GRIK5: variants seen among roughly 807,000 people sequenced by gnomAD.
The protein encoded by GRIK5 is glutamate receptor ionotropic, kainate 5.
Under a neutral mutation model 97.4 loss-of-function variants are expected in GRIK5, and 43 were observed. That is an observed-to-expected ratio of 0.44 (90% CI 0.35 to 0.57). The LOEUF (loss-of-function observed/expected upper bound fraction) is 0.57, where lower values mean the gene tolerates loss of function less well. GRIK5 is among the 20% of genes least tolerant of loss of function. GRIK5 has a pLI of 0.01. For missense variants in GRIK5, 1,015 were observed against 1,382.0 expected, an observed-to-expected ratio of 0.73 and a Z score of 4.21; for synonymous variants, 580 against 583.5, an observed-to-expected ratio of 0.99 and a Z score of 0.09.
chr19:42,053,665 G>A lies in GRIK5; in HGVS notation c.1206C>T (p.Thr402=), dbSNP rs544290998. 7.4e-6 allele frequency: 12 copies of A among 1,613,540 alleles called. 1 individual carries two copies. The Admixed American group carries it at 1.8e-4, about 25-fold the overall frequency. The change falls in exon 11 of 20, where the codon ACC becomes ACT. Residue 402 remains threonine (T), a synonymous_variant. Coordinates refer to ENST00000593562, the MANE Select transcript of GRIK5 (RefSeq NM_002088.5). The part of the protein sequence containing the change: ...YSNRTLAMNA[T]TLDINLSQTL... ...TCTGCGACAGGTTGATGTCCAGGGT[G>A]GTGGCATTCATGGCCAGGGTGCGGT...
rs555905845 is a variant in GRIK5, at chr19:42,020,530, G to C, written c.1871+771C>G. ...GGTAAAATGAGGCTGAAACCTACTG[G>C]GCTGCATTCCCAGACGTTTAAGGCA... On this transcript the variant is annotated intron_variant, in intron 15 of 19. Transcript: ENST00000593562. Among the ~76,000 whole-genome samples, 4 of 152,252 alleles carry C rather than the reference G, an allele frequency of 2.6e-5. No homozygotes were observed. The East Asian group carries it at 7.7e-4, about 29-fold the overall frequency.
chr19:42,021,931 T>TA lies in GRIK5; in HGVS notation c.1697+15dup, dbSNP rs1167211957. ...CCTCCTCCAGCCCCTTCCTTCCCAGTAGGCAGTGGACTCACCTGGCAGCCA... is the reference window on the plus strand; with the variant it reads ...CCTCCTCCAGCCCCTTCCTTCCCAGTAAGGCAGTGGACTCACCTGGCAGCCA... On this transcript the variant is annotated intron_variant, in intron 14 of 19. Coordinates refer to ENST00000593562, the MANE Select transcript of GRIK5 (RefSeq NM_002088.5). This position sits in a 1 kb window ranked among gnomAD's most constrained non-coding sequence, Gnocchi z 4.2. The TA allele has an allele frequency of 6.4e-7, 1 of 1,564,550 alleles. No individual in the cohort carries two copies. The highest frequency in any genetic ancestry group is 1.7e-5 in the Admixed American group (1 of 58,640).
At chr19:42,015,663 G>T (rs988416341) in intron 15 of GRIK5, among the ~76,000 whole-genome samples, 1 of 152,206 alleles carries the variant, frequency 6.6e-6, no homozygotes, top group Non-Finnish European at 1.5e-5. Flanking sequence ...CAAGTGCTAT[G>T]CAAGTGTTTT....
chr19:42,008,575 C>T (rs1247540429), intron 15 of GRIK5, among the ~76,000 whole-genome samples: 1 of 151,868 alleles, frequency 6.6e-6, no homozygotes, highest in Non-Finnish European at 1.5e-5. Flanking sequence ...CGCAGTGAAC[C>T]GAGATCACCA....
At chr19:42,027,321 G>A (rs558061322) in intron 12 of GRIK5, among the ~76,000 whole-genome samples, 2 of 152,290 alleles carry the variant, frequency 1.3e-5, no homozygotes, top group Admixed American at 1.3e-4. Flanking sequence ...GCAACATGAA[G>A]GAAGTACAGA....
chr19:42,059,531 A>AG lies in GRIK5; in HGVS notation c.509-5dup. The AG allele has an allele frequency of 1.2e-6, 2 of 1,605,748 alleles. No individual in the cohort carries two copies. The highest frequency in any genetic ancestry group is 1.7e-6 in the Non-Finnish European group (2 of 1,176,128). ...AGTTCCTCCAATCGCAGCAGGCCTG[A>AG]GGGAGGGGTGGGGCCTTGGGTTGGA... On this transcript the variant is annotated splice_region_variant and splice_polypyrimidine_tract_variant and intron_variant, in intron 5 of 19. Coordinates refer to ENST00000593562, the MANE Select transcript of GRIK5 (RefSeq NM_002088.5).
At chr19:42,027,171 C>T (rs1371454045) in intron 12 of GRIK5, among the ~76,000 whole-genome samples, 2 of 152,120 alleles carry the variant, frequency 1.3e-5, no homozygotes, top group African/African-American at 2.4e-5. Context: ...TTTGGGGATA[C>T]GGCGGTGAAT....
rs2075986433 is a variant in GRIK5 at position 42,042,284 on chromosome 19, A to G, written c.1473+268T>C. On this transcript the variant is annotated intron_variant, in intron 12 of 19. Coordinates refer to ENST00000593562, the MANE Select transcript of GRIK5 (RefSeq NM_002088.5). This position sits in a 1 kb window ranked among gnomAD's most constrained non-coding sequence, Gnocchi z 6.9. ...TTAACAAATCTTTGCACACCGACTA[A>G]TCCAAGGTGGCATGAAAGGGGCATT... Among the ~76,000 whole-genome samples the G allele has an allele frequency of 6.6e-6, 1 of 152,152 alleles. No homozygotes were observed. Among genetic ancestry groups the G allele is most frequent in the Admixed American group, 6.5e-5 (1 of 15,278 alleles).
At chr19:42,020,314 C>A (rs1280470104) in intron 15 of GRIK5, among the ~76,000 whole-genome samples, 1 of 152,168 alleles carries the variant, frequency 6.6e-6, no homozygotes, top group Non-Finnish European at 1.5e-5. Context: ...GGGACCTATT[C>A]TTTGAATAAA....
chr19:42,066,147 A>T (rs1263968371), intron 1 of GRIK5, among the ~76,000 whole-genome samples: 1 of 152,104 alleles, frequency 6.6e-6, no homozygotes, highest in Non-Finnish European at 1.5e-5. Flanking sequence ...TCCTGGGACC[A>T]GCCCCACCCA....
chr19:42,049,470 C>T (rs1395386770), intron 11 of GRIK5, among the ~76,000 whole-genome samples: 1 of 152,230 alleles, frequency 6.6e-6, no homozygotes, highest in Non-Finnish European at 1.5e-5. Flanking sequence ...GACTACACTA[C>T]TTGCAATGAC....
chr19:42,065,638 C>T lies in GRIK5; in HGVS notation c.79+54G>A, dbSNP rs2076320653. Reference sequence around the variant, plus strand: ...CTGACGGACTGGCATGCCTGGGTCCCCAGAGGAGCCCCAGGGCCTGAGGAT... The same window carrying T: ...CTGACGGACTGGCATGCCTGGGTCCTCAGAGGAGCCCCAGGGCCTGAGGAT... On this transcript the variant is annotated intron_variant, in intron 2 of 19. Transcript: ENST00000593562. The surrounding 1 kb of genome is among the most constrained non-coding windows in gnomAD (Gnocchi z 5.8). 6 of 1,429,288 alleles carry T rather than the reference C, an allele frequency of 4.2e-6. No individual in the cohort carries two copies. In the Admixed American group the frequency reaches 8.1e-5, roughly 19 times the overall value. The allele number at this position is 1,429,288 out of a possible 1,614,324, so 88.5% of individuals were successfully genotyped here.
intron 1 of GRIK5, among the ~76,000 whole-genome samples, chr19:42,067,422 G>A (rs762787316): frequency 6.6e-6 from 1 of 152,180 alleles, no homozygotes; most frequent in Non-Finnish European, 1.5e-5. Flanking sequence ...TGCTGGACAG[G>A]CTGGGGACTG....
chr19:42,035,364 C>G (rs1213027632), intron 12 of GRIK5, among the ~76,000 whole-genome samples: 1 of 152,130 alleles, frequency 6.6e-6, no homozygotes, highest in Non-Finnish European at 1.5e-5. Context: ...AAAAAGCAAA[C>G]TACACAGCAG....
At chr19:42,066,295 C>A (rs1464003384) in intron 1 of GRIK5, among the ~76,000 whole-genome samples, 1 of 152,106 alleles carries the variant, frequency 6.6e-6, no homozygotes, top group Non-Finnish European at 1.5e-5. Flanking sequence ...TCACTTGCCA[C>A]TTTCCTAACA....
chr19:42,028,276 G>C (rs1001969957), intron 12 of GRIK5, among the ~76,000 whole-genome samples: 1 of 152,138 alleles, frequency 6.6e-6, no homozygotes, highest in African/African-American at 2.4e-5. Context: ...TGATGGGGGG[G>C]GGGTGTCATC....
In GRIK5 at chr19:42,003,458, A is replaced by AGGGCGAAGGGAGTTGGG. The variant is rs782365819; in HGVS notation, c.2393-22_2393-6dup. ...CAATGTTCTCCATGCCCAAACCTGG[A>AGGGCGAAGGGAGTTGGG]GGGCGAAGGGAGTTGGGGGGCAAAG... is the stretch of plus-strand genomic sequence containing the variant. On this transcript the variant is annotated splice_polypyrimidine_tract_variant and splice_region_variant and intron_variant, in intron 18 of 19. Coordinates refer to ENST00000593562, the MANE Select transcript of GRIK5 (RefSeq NM_002088.5). This position sits in a 1 kb window ranked among gnomAD's most constrained non-coding sequence, Gnocchi z 4.2. The AGGGCGAAGGGAGTTGGG allele has an allele frequency of 1.2e-6, 2 of 1,606,788 alleles. No individual in the cohort carries two copies. The highest frequency in any genetic ancestry group is 2.2e-5 in the East Asian group (1 of 44,666).
intron 15 of GRIK5, among the ~76,000 whole-genome samples, chr19:42,011,366 C>T (rs1055781099): frequency 6.6e-6 from 1 of 151,030 alleles, no homozygotes; most frequent in Admixed American, 6.6e-5. Flanking sequence ...TCCTGGCTAA[C>T]ATGGTGAAAC....
intron 12 of GRIK5, among the ~76,000 whole-genome samples, chr19:42,031,428 A>T (rs1279009313): frequency 6.6e-6 from 1 of 152,200 alleles, no homozygotes; most frequent in Non-Finnish European, 1.5e-5. Context: ...CCAACGTGGG[A>T]TTCTGCCAGC....
Sources: allele counts gnomAD v4.1 joint callset (sites outside exome capture counted in the v4.1 genomes callset), GRCh38; gene constraint gnomAD v4.1.1; non-coding constraint Gnocchi (gnomAD v3.1); transcripts MANE v1.5; gene names NCBI Gene and HGNC (gene_info 2026-07-23, HGNC 2026-07-21).